SSH2: variants seen among roughly 807,000 people sequenced by gnomAD.
SSH2 encodes slingshot protein phosphatase 2, also known as protein phosphatase Slingshot homolog 2.
In SSH2, 37 loss-of-function variants were observed where a neutral mutation model predicts 135.2. The ratio of observed to expected loss-of-function variants is 0.27; its 90% CI spans 0.21 to 0.36. The LOEUF (loss-of-function observed/expected upper bound fraction) is 0.36, where lower values mean the gene tolerates loss of function less well. Among genes scored for constraint, SSH2 ranks in the 10% least tolerant of loss-of-function variants. The pLI is 1.00. For missense variants in SSH2, 1,408 were observed against 1,765.3 expected, an observed-to-expected ratio of 0.80 and a Z score of 3.63; for synonymous variants, 628 against 646.2, an observed-to-expected ratio of 0.97 and a Z score of 0.43.
chr17:29,815,646 A>G (rs901704742), intron 2 of SSH2, among the ~76,000 whole-genome samples: 2 of 152,200 alleles, frequency 1.3e-5, no homozygotes, highest in African/African-American at 4.8e-5. Context: ...GAGAGACTTA[A>G]TAAGTTGGAA....
Position 29,631,613 on chromosome 17 carries a change from G to A in SSH2, c.3581C>T (p.Pro1194Leu), listed in dbSNP as rs770176053. 2 of 1,614,142 alleles carry A rather than the reference G, an allele frequency of 1.2e-6. No individual in the cohort carries two copies. The highest frequency in any genetic ancestry group is 1.1e-5 in the South Asian group (1 of 91,070). ...TGGCACCTCACTGCCACTGGAGAGA[G>A]GGCTCTCCTGACTTTCTTCCCAGCT... ...QVSWEESQESPLSSGSEVPYK... is the reference protein window; with the variant it reads ...QVSWEESQESLLSSGSEVPYK... Residue 1194 changes from proline to leucine, a missense_variant, in exon 16 of 16, where the codon CCT becomes CTT. Physicochemically the swap from Pro to Leu is moderately conservative, Grantham distance 98. Around this residue, in one of 3 missense-constraint regions of SSH2, gnomAD observed 1,080 missense variants for 1,144.5 expected, o/e 0.94. Coordinates refer to ENST00000540801, the MANE Select transcript of SSH2 (RefSeq NM_001282129.2).
intron 5 of SSH2, among the ~76,000 whole-genome samples, chr17:29,693,794 C>G (rs1179837836): frequency 6.6e-6 from 1 of 152,028 alleles, no homozygotes; most frequent in East Asian, 1.9e-4. Context: ...TACCACATAC[C>G]TAGATTACTG....
intron 2 of SSH2, among the ~76,000 whole-genome samples, chr17:29,844,127 C>T (rs1599079051): frequency 6.6e-6 from 1 of 152,026 alleles, no homozygotes; most frequent in African/African-American, 2.4e-5. Flanking sequence ...GCTATTCAAA[C>T]ATAAAAGCTT....
intron 3 of SSH2, chr17:29,761,445 C>A: frequency 4.0e-6 from 4 of 996,956 alleles, no homozygotes; most frequent in Non-Finnish European, 4.8e-6. Context: ...CGGGCGTCGC[C>A]AGCAGTTCGC....
At chr17:29,651,880 C>T (rs576854968) in intron 12 of SSH2, among the ~76,000 whole-genome samples, 8 of 152,102 alleles carry the variant, frequency 5.3e-5, no homozygotes, top group South Asian at 2.1e-4. Flanking sequence ...CAGTGGCTCA[C>T]GCCTGTAATC....
intron 1 of SSH2, among the ~76,000 whole-genome samples, chr17:29,923,649 G>T (rs1256431334): frequency 6.6e-6 from 1 of 151,792 alleles, no homozygotes; most frequent in Non-Finnish European, 1.5e-5. Context: ...GGGCAGGGGG[G>T]TTGGAAAAAA....
At chr17:29,732,796 C>G (rs1031397628) in intron 3 of SSH2, among the ~76,000 whole-genome samples, 1 of 152,174 alleles carries the variant, frequency 6.6e-6, no homozygotes, top group African/African-American at 2.4e-5. Context: ...ACCAACAGAA[C>G]AACCAATGAT....
chr17:29,738,155 C>T (rs986179844), intron 3 of SSH2, among the ~76,000 whole-genome samples: 39 of 152,140 alleles, frequency 2.6e-4, no homozygotes, highest in African/African-American at 9.2e-4. Flanking sequence ...TCAATTCTCA[C>T]CTATAAGGGA....
chr17:29,755,280 T>C (rs1395051914), intron 3 of SSH2, among the ~76,000 whole-genome samples: 1 of 152,196 alleles, frequency 6.6e-6, no homozygotes, highest in East Asian at 1.9e-4. Flanking sequence ...ATTCTCTGAG[T>C]TGCTCATATA....
intron 3 of SSH2, among the ~76,000 whole-genome samples, chr17:29,706,743 C>T (rs2039215373): frequency 6.6e-6 from 1 of 152,236 alleles, no homozygotes. Context: ...GTAAACAAAG[C>T]AGTTCGCTAC....
Position 29,730,691 on chromosome 17 carries a change from G to A in SSH2, c.189-27629C>T, listed in dbSNP as rs549558500. ...TGGGCTCAAGCGATCTGCCTGCCTCGGCCTCCCAAAGTGCTGGGATTACAG... is the reference window on the plus strand; with the variant it reads ...TGGGCTCAAGCGATCTGCCTGCCTCAGCCTCCCAAAGTGCTGGGATTACAG... On this transcript the variant is annotated intron_variant, in intron 3 of 15. Coordinates refer to ENST00000540801, the MANE Select transcript of SSH2 (RefSeq NM_001282129.2). Among the ~76,000 whole-genome samples, 22 of 152,006 alleles carry A rather than the reference G, an allele frequency of 1.4e-4. 1 individual carries two copies. The South Asian group carries it at 4.6e-3, about 32-fold the overall frequency.
intron 2 of SSH2, among the ~76,000 whole-genome samples, chr17:29,812,890 AAAAC>A (rs903101929): frequency 2.0e-4 from 31 of 151,772 alleles, no homozygotes; most frequent in South Asian, 6.2e-4. Context: ...CTCCGTCACA[AAAAC>A]AAACAAACAA....
chr17:29,723,080 G>T (rs758612499), intron 3 of SSH2, among the ~76,000 whole-genome samples: 3 of 152,102 alleles, frequency 2.0e-5, no homozygotes, highest in Non-Finnish European at 2.9e-5. Context: ...GAGGTTCTCT[G>T]TCAGTAGCAC....
At chr17:29,778,839 A>C (rs1209032707) in intron 3 of SSH2, among the ~76,000 whole-genome samples, 4 of 48,290 alleles carry the variant, frequency 8.3e-5, no homozygotes, top group Non-Finnish European at 1.6e-4. Context: ...GTCTCCCAAA[A>C]AAAAAAAAAA....
intron 3 of SSH2, among the ~76,000 whole-genome samples, chr17:29,724,422 G>T (rs1389160062): frequency 6.6e-6 from 1 of 151,448 alleles, no homozygotes; most frequent in Admixed American, 6.6e-5. Context: ...CAGCTACCTG[G>T]GAGGCTGAGG....
chr17:29,711,273 G>C (rs1425434884), intron 3 of SSH2, among the ~76,000 whole-genome samples: 1 of 152,176 alleles, frequency 6.6e-6, no homozygotes, highest in Non-Finnish European at 1.5e-5. Context: ...AACTGAAGGG[G>C]GGAAAAAGGA....
chr17:29,792,265 C>A (rs1377358611), intron 3 of SSH2, among the ~76,000 whole-genome samples: 4 of 152,004 alleles, frequency 2.6e-5, no homozygotes, highest in African/African-American at 9.7e-5. Flanking sequence ...TCCATTGCCT[C>A]ATCATTAGGT....
intron 2 of SSH2, among the ~76,000 whole-genome samples, chr17:29,817,563 C>G (rs1367828013): frequency 6.6e-6 from 1 of 152,058 alleles, no homozygotes; most frequent in Non-Finnish European, 1.5e-5. Flanking sequence ...CTACAGGAAG[C>G]CTATGATGAT....
intron 2 of SSH2, among the ~76,000 whole-genome samples, chr17:29,794,578 G>T (rs1474654207): frequency 6.6e-6 from 1 of 152,184 alleles, no homozygotes; most frequent in Non-Finnish European, 1.5e-5. Flanking sequence ...GATGGTTAAT[G>T]ACCCACCCAG....
Sources: gnomAD v4.1 joint callset for allele counts (sites outside exome capture counted in the v4.1 genomes callset) on GRCh38, gnomAD v4.1.1 for gene constraint, gnomAD v4.1.1 regional missense constraint, MANE v1.5 for transcripts, NCBI Gene and HGNC (gene_info 2026-07-23, HGNC 2026-07-21) for gene names.